The following SESN1 variants were observed in gnomAD, a reference collection of about 807,000 sequenced individuals.
SESN1 encodes sestrin-1.
A neutral mutation model predicts 59.3 loss-of-function variants in SESN1; 30 were observed. The ratio of observed to expected loss-of-function variants is 0.51; its 90% CI spans 0.38 to 0.69. SESN1 has a LOEUF of 0.69. Ranked by LOEUF, SESN1 falls within the 30% of genes least tolerant of loss-of-function variation. The pLI is 0.00. For synonymous variants in SESN1, 197 were observed against 219.9 expected (o/e 0.90, Z 0.92); for missense variants, 566 against 673.0 (o/e 0.84, Z 1.76).
intron 6 of SESN1, 151 bp from the exon 7 acceptor site, chr6:108,993,050 C>T (rs1779422164): frequency 1.7e-6 from 1 of 578,850 alleles, no homozygotes; most frequent in Non-Finnish European, 3.0e-6. Flanking sequence ...AAGTAGTTTA[C>T]TTGCTAGTAA....
chr6:109,041,641 C>G lies in SESN1; in HGVS notation c.280-39298G>C, dbSNP rs549258183. 2.1e-4 allele frequency among the ~76,000 whole-genome samples: 32 copies of G among 151,902 alleles called. No homozygotes were observed. The South Asian group carries it at 6.7e-3, about 32-fold the overall frequency. ...TATCATGATAAAAAGTTAAACCCACCAAGAATATATAGCAATACCCAAATG... is the reference window on the plus strand; with the variant it reads ...TATCATGATAAAAAGTTAAACCCACGAAGAATATATAGCAATACCCAAATG... On this transcript the variant is annotated intron_variant, in intron 1 of 9. Coordinates refer to ENST00000436639, the MANE Select transcript of SESN1 (RefSeq NM_014454.3).
chr6:109,001,153 AAC>A (rs1779612490), intron 3 of SESN1, 133 bp downstream of exon 3: 2 of 773,764 alleles, frequency 2.6e-6, no homozygotes, highest in Non-Finnish European at 2.0e-6. Context: ...AAATAGGAAA[AAC>A]AGAGACTGTG....
chr6:108,988,487 G>A (rs1472444741), intron 9 of SESN1, 56 bp downstream of exon 9: 22 of 1,482,526 alleles, frequency 1.5e-5, no homozygotes, highest in Non-Finnish European at 2.0e-5. Context: ...GTTAGGTGAA[G>A]GAGACTACGA....
intron 1 of SESN1, chr6:109,088,146 C>G (rs140286523): frequency 6.6e-6 from 1 of 151,830 alleles, no homozygotes; most frequent in Non-Finnish European, 1.5e-5. Flanking sequence ...GAGAGAGAGA[C>G]GTGGGAAGAA....
intron 1 of SESN1, among the ~76,000 whole-genome samples, chr6:109,066,811 CGA>C (rs1780835574): frequency 6.6e-6 from 1 of 152,032 alleles, no homozygotes; most frequent in South Asian, 2.1e-4. Context: ...CTTAAAAGTT[CGA>C]GAGAGACTAT....
chr6:109,085,505 T>G (rs974169171), intron 1 of SESN1, among the ~76,000 whole-genome samples: 1 of 139,018 alleles, frequency 7.2e-6, no homozygotes, highest in Admixed American at 7.0e-5. Flanking sequence ...GGTGACAGAG[T>G]GACACTCCGT....
intron 1 of SESN1, among the ~76,000 whole-genome samples, chr6:109,056,448 A>C (rs1174013524): frequency 6.6e-6 from 1 of 152,160 alleles, no homozygotes; most frequent in Non-Finnish European, 1.5e-5. Flanking sequence ...GCTACTCCTA[A>C]TCTCCTAGAA....
intron 4 of SESN1, 167 bp from the exon 5 acceptor site, chr6:108,998,922 A>C: frequency 3.3e-6 from 2 of 611,862 alleles, no homozygotes; most frequent in Non-Finnish European, 5.4e-6. Flanking sequence ...TTTTATGAAT[A>C]TGCATTCACA....
rs1383494988 is a variant in SESN1, at chr6:109,094,167, A to G, written c.-94T>C. ...TTAAAATGAAAAATGTAAAAATAAA[A>G]TCAGAGAAATCAAATCGTCATGAAA... On this transcript the variant is annotated 5_prime_UTR_variant, in exon 1 of 10. Transcript: ENST00000436639. 2 of 1,332,666 alleles carry G rather than the reference A, an allele frequency of 1.5e-6. No homozygotes were observed. Among genetic ancestry groups the G allele is most frequent in the Non-Finnish European group, 2.0e-6 (2 of 976,306 alleles). The allele number at this position is 1,332,666 out of a possible 1,614,324, so 82.6% of individuals were successfully genotyped here.
chr6:109,057,578 T>C (rs1247320819), intron 1 of SESN1, among the ~76,000 whole-genome samples: 1 of 152,250 alleles, frequency 6.6e-6, no homozygotes, highest in Non-Finnish European at 1.5e-5. Context: ...TTCAAGGATC[T>C]ACCTCTGCTC....
intron 1 of SESN1, among the ~76,000 whole-genome samples, chr6:109,080,999 C>T (rs1052159019): frequency 2.6e-5 from 4 of 152,028 alleles, no homozygotes; most frequent in Non-Finnish European, 5.9e-5. Context: ...TGGGTTACAT[C>T]CCGAAGATAT....
At chr6:109,040,692 G>A (rs1002010031) in intron 1 of SESN1, among the ~76,000 whole-genome samples, 4 of 147,140 alleles carry the variant, frequency 2.7e-5, no homozygotes, top group Non-Finnish European at 6.0e-5. Context: ...TCGCTCTGTC[G>A]CCCAGGCTGG....
intron 8 of SESN1, among the ~76,000 whole-genome samples, chr6:108,988,895 A>G (rs1779278682): frequency 6.6e-6 from 1 of 152,170 alleles, no homozygotes. Flanking sequence ...CTAACATAAC[A>G]TTTTTTCTAC....
chr6:109,039,045 A>G (rs200300999), intron 1 of SESN1, among the ~76,000 whole-genome samples: 274 of 115,782 alleles, frequency 2.4e-3, no homozygotes, highest in South Asian at 6.6e-3. Context: ...AAGAAGAAGG[A>G]GGGAGAAGGA....
chr6:109,037,110 G>A (rs1398803485), intron 1 of SESN1, among the ~76,000 whole-genome samples: 1 of 152,100 alleles, frequency 6.6e-6, no homozygotes, highest in Non-Finnish European at 1.5e-5. Flanking sequence ...AAGTAGTAAA[G>A]ACAATCTTTC....
At chr6:109,092,768 C>T (rs947779341) in intron 1 of SESN1, among the ~76,000 whole-genome samples, 1 of 152,106 alleles carries the variant, frequency 6.6e-6, no homozygotes, top group African/African-American at 2.4e-5. Flanking sequence ...TAATTCCTCT[C>T]GGGTAACTCT....
At chr6:109,029,402 T>C (rs995213571) in intron 1 of SESN1, among the ~76,000 whole-genome samples, 17 of 152,246 alleles carry the variant, frequency 1.1e-4, no homozygotes, top group Non-Finnish European at 2.2e-4. Flanking sequence ...AGGAATGATT[T>C]TGCTTTATTA....
Position 109,000,662 on chromosome 6 carries a change from T to C in SESN1, c.558A>G (p.Arg186=). The C allele has an allele frequency of 6.3e-7, 1 of 1,586,908 alleles. No individual in the cohort carries two copies. The highest frequency in any genetic ancestry group is 8.6e-7 in the Non-Finnish European group (1 of 1,166,700). Residue 186 remains arginine, a synonymous_variant, in exon 4 of 10, where the codon AGA becomes AGG. Transcript: ENST00000436639. ...GGTTCACTAAGTAGGAGCACTGATG[T>C]CTTGCCGCAGCCTTAAAACAAAAAG... ...RHYIGIMAAA[R]HQCSYLVNLH... is the part of the protein sequence containing the mutation.
chr6:109,080,412 AT>A (rs1781102303), intron 1 of SESN1, among the ~76,000 whole-genome samples: 1 of 152,096 alleles, frequency 6.6e-6, no homozygotes, highest in Admixed American at 6.6e-5. Flanking sequence ...TATACACCAT[AT>A]TTCCAGGATC....
Sources: gnomAD v4.1 joint callset for allele counts (sites outside exome capture counted in the v4.1 genomes callset) on GRCh38, gnomAD v4.1.1 for gene constraint, MANE v1.5 for transcripts, NCBI Gene and HGNC (gene_info 2026-07-23, HGNC 2026-07-21) for gene names.